Variants in GRM7 observed in about 807,000 individuals in gnomAD.
The protein encoded by GRM7 is metabotropic glutamate receptor 7.
In GRM7, 35 loss-of-function variants were observed where a neutral mutation model predicts 84.5. The ratio of observed to expected loss-of-function variants is 0.41; its 90% CI spans 0.32 to 0.55. The LOEUF (loss-of-function observed/expected upper bound fraction) is 0.55, where lower values mean the gene tolerates loss of function less well. Among genes scored for constraint, GRM7 ranks in the 20% least tolerant of loss-of-function variants. The pLI is 0.19. For synonymous variants in GRM7, 487 were observed against 455.1 expected, an observed-to-expected ratio of 1.07 and a Z score of -0.89; for missense variants, 1,003 against 1,194.6, an observed-to-expected ratio of 0.84 and a Z score of 2.36.
chr3:7,680,592 C>A, intron 9 of GRM7: 1 of 352,828 alleles, frequency 2.8e-6, no homozygotes. Context: ...ATGCACCTAT[C>A]AGGTTGTTCT....
At chr3:7,431,876 T>C (rs1243755966) in intron 5 of GRM7, among the ~76,000 whole-genome samples, 1 of 152,166 alleles carries the variant, frequency 6.6e-6, no homozygotes, top group Non-Finnish European at 1.5e-5. Flanking sequence ...GAGAAATAAA[T>C]ATGCATTCAA....
At chr3:7,626,092 G>A (rs1272850710) in intron 8 of GRM7, among the ~76,000 whole-genome samples, 1 of 152,054 alleles carries the variant, frequency 6.6e-6, no homozygotes, top group African/African-American at 2.4e-5. Flanking sequence ...ACATTAGTAT[G>A]TCCGGAGGCC....
intron 2 of GRM7, among the ~76,000 whole-genome samples, chr3:7,294,393 A>G (rs2125015357): frequency 6.6e-6 from 1 of 152,190 alleles, no homozygotes; most frequent in African/African-American, 2.4e-5. Flanking sequence ...TCATCCCTCT[A>G]TCCTCCATAA....
At chr3:7,136,765 C>T (rs1218596915) in intron 1 of GRM7, among the ~76,000 whole-genome samples, 2 of 152,088 alleles carry the variant, frequency 1.3e-5, no homozygotes, top group African/African-American at 4.8e-5. Context: ...TGATCCGTTC[C>T]TATGCTGTTC....
intron 2 of GRM7, among the ~76,000 whole-genome samples, chr3:7,152,103 A>G (rs940437973): frequency 6.6e-6 from 1 of 152,196 alleles, no homozygotes; most frequent in African/African-American, 2.4e-5. Flanking sequence ...CTTTAGGTAC[A>G]TTTAAAACTA....
intron 8 of GRM7, among the ~76,000 whole-genome samples, chr3:7,622,927 C>G (rs62235220): frequency 0.14 from 21,388 of 152,048 alleles, 1,744 homozygotes; most frequent in Non-Finnish European, 0.18. Flanking sequence ...AAGGAGGTTC[C>G]AGGGGAAAGT....
intron 2 of GRM7, among the ~76,000 whole-genome samples, chr3:7,165,217 A>G (rs1694760857): frequency 6.6e-6 from 1 of 152,226 alleles, no homozygotes; most frequent in Admixed American, 6.5e-5. Flanking sequence ...CCCATGGCGC[A>G]TCCCAGTAAC....
At chr3:7,104,808 G>T (rs1270717482) in intron 1 of GRM7, among the ~76,000 whole-genome samples, 1 of 151,788 alleles carries the variant, frequency 6.6e-6, no homozygotes, top group Non-Finnish European at 1.5e-5. Context: ...CTCACAAAAT[G>T]AAGCAACTTT....
At position 6,997,762 on chromosome 3, in the gene GRM7, A is replaced by G. The variant is rs181415193; in HGVS notation, c.519+135855A>G. Among the ~76,000 whole-genome samples, 279 of 152,236 alleles carry G rather than the reference A, an allele frequency of 1.8e-3. 1 individual carries two copies. The highest frequency in any genetic ancestry group is 6.5e-3 in the African/African-American group (270 of 41,558). On this transcript the variant is annotated intron_variant, in intron 1 of 9. Coordinates refer to ENST00000357716, the MANE Select transcript of GRM7 (RefSeq NM_000844.4). ...CCCCAAAGTCTTAACTCATTCCAGC[A>G]TTCGTCCAAAAGTTCAAGTCCAAAG...
chr3:7,375,891 C>T (rs1694329984), intron 4 of GRM7, among the ~76,000 whole-genome samples: 1 of 152,172 alleles, frequency 6.6e-6, no homozygotes. Flanking sequence ...TGAACACATG[C>T]TGATGTTGGG....
intron 4 of GRM7, among the ~76,000 whole-genome samples, chr3:7,340,682 C>G (rs73113720): frequency 0.04 from 6,148 of 152,230 alleles, 268 homozygotes; most frequent in African/African-American, 0.11. Flanking sequence ...TGCCCTTGCC[C>G]TCAACCATAA....
chr3:7,498,952 A>G (rs952445607), intron 7 of GRM7, among the ~76,000 whole-genome samples: 1 of 152,158 alleles, frequency 6.6e-6, no homozygotes, highest in Non-Finnish European at 1.5e-5. Flanking sequence ...GCTATGTAAC[A>G]AATAATGGGA....
chr3:7,203,208 C>G (rs1383744424), intron 2 of GRM7, among the ~76,000 whole-genome samples: 1 of 152,112 alleles, frequency 6.6e-6, no homozygotes, highest in Non-Finnish European at 1.5e-5. Flanking sequence ...TTCATGTCTC[C>G]TTCCATCTAC....
chr3:7,347,132 A>G (rs1289449509), intron 4 of GRM7, among the ~76,000 whole-genome samples: 1 of 152,144 alleles, frequency 6.6e-6, no homozygotes, highest in Non-Finnish European at 1.5e-5. Context: ...ACTTAGTGAA[A>G]TCGATAAAAT....
intron 7 of GRM7, among the ~76,000 whole-genome samples, chr3:7,535,966 G>A (rs1701226148): frequency 6.6e-6 from 1 of 152,174 alleles, no homozygotes; most frequent in Admixed American, 6.6e-5. Flanking sequence ...ACACCTACAT[G>A]TGGTTTCATA....
At chr3:7,665,959 AT>A (rs1699681928) in intron 8 of GRM7, among the ~76,000 whole-genome samples, 2 of 152,282 alleles carry the variant, frequency 1.3e-5, no homozygotes, top group East Asian at 1.9e-4. Flanking sequence ...TTCAAAAATT[AT>A]TTTTTGAAGG....
At chr3:7,656,578 A>ACACACACACAC (rs1289514654) in intron 8 of GRM7, among the ~76,000 whole-genome samples, 1 of 100,644 alleles carries the variant, frequency 9.9e-6, no homozygotes, top group African/African-American at 3.4e-5. Flanking sequence ...CACACACACA[A>ACACACACACAC]AGTGTGCTGT....
rs1553643314 is a variant in GRM7 at position 7,734,251 on chromosome 3, G to GA, written c.2699-6106_2699-6105insA. 3.7e-5 allele frequency among the ~76,000 whole-genome samples: 5 copies of GA among 133,842 alleles called. 1 individual carries two copies. The highest frequency in any genetic ancestry group is 3.1e-4 in the Admixed American group (4 of 12,962). 87.8% of individuals were successfully genotyped at this position (133,842 alleles called of 152,430 possible). A position where few individuals can be genotyped will look rare whatever the true frequency, so the allele number is the denominator to read the frequency against. On this transcript the variant is annotated intron_variant, in intron 9 of 9. Coordinates refer to ENST00000357716, the MANE Select transcript of GRM7 (RefSeq NM_000844.4). ...GCCAATTTGCTTTGGCAGGGGCGGG[G>GA]GGGGGGTTTCCTCTCAATGTGAGTT...
At chr3:7,493,431 G>A (rs986859541) in intron 7 of GRM7, among the ~76,000 whole-genome samples, 6 of 151,474 alleles carry the variant, frequency 4.0e-5, no homozygotes, top group Middle Eastern at 3.4e-3. Context: ...ATTTTTCTGT[G>A]TCTCTAGTAA....
Sources: allele counts gnomAD v4.1 joint callset (sites outside exome capture counted in the v4.1 genomes callset), GRCh38; gene constraint gnomAD v4.1.1; transcripts MANE v1.5; gene names NCBI Gene and HGNC (gene_info 2026-07-23, HGNC 2026-07-21).